The following KRT7 variants were observed in gnomAD, a reference collection of about 807,000 sequenced individuals.
The protein encoded by KRT7 is keratin, type II cytoskeletal 7.
In KRT7, 50 loss-of-function variants were observed where a neutral mutation model predicts 42.8. That is an observed-to-expected ratio of 1.17 (90% CI 0.93 to 1.48). The LOEUF is 1.48. Among genes scored for constraint, KRT7 ranks in the 40% most tolerant of loss-of-function variants. The pLI is 0.00. For missense variants in KRT7, 588 were observed against 637.6 expected (o/e 0.92, Z 0.84); for synonymous variants, 268 against 266.3 (o/e 1.01, Z -0.06).
downstream of KRT7, chr12:52,250,524 C>G: frequency 2.3e-6 from 2 of 855,084 alleles, no homozygotes; most frequent in Non-Finnish European, 3.7e-6. Flanking sequence ...CGCACACAGG[C>G]CGGTGCTCAC....
chr12:52,235,589 A>G (rs966508469), intron 2 of KRT7, among the ~76,000 whole-genome samples: 1 of 152,152 alleles, frequency 6.6e-6, no homozygotes, highest in African/African-American at 2.4e-5. Flanking sequence ...CCCCTGACTC[A>G]GTCCCAGTGA....
rs558328005 is a variant in KRT7, at chr12:52,245,415, G to A, written c.988G>A (p.Ala330Thr). 2 of 1,613,600 alleles carry A rather than the reference G, an allele frequency of 1.2e-6. No individual in the cohort carries two copies. The highest frequency in any genetic ancestry group is 1.7e-6 in the Non-Finnish European group (2 of 1,179,924). ...AEIDNIKNQR[A>T]KLEAAIAEAE... ...ACAGCTGCACTGCTGCCCACAGCGT[G>A]CCAAGTTGGAGGCCGCCATTGCCGA... Residue 330 changes from alanine (A) to threonine (T), a missense_variant, in exon 7 of 9, where the codon GCC becomes ACC. Coordinates refer to ENST00000331817, the MANE Select transcript of KRT7 (RefSeq NM_005556.4).
chr12:52,246,590 G>T (rs1447273693), intron 7 of KRT7: 1 of 152,334 alleles, frequency 6.6e-6, no homozygotes, highest in African/African-American at 2.4e-5. Context: ...ACACAGGGCC[G>T]CAGGGTATGA....
At chr12:52,237,717 G>GGTGAGTGTTTGT in intron 3 of KRT7, 148 bp downstream of exon 3, 1 of 460,334 alleles carries the variant, frequency 2.2e-6, no homozygotes, top group Non-Finnish European at 3.9e-6. Context: ...CTGTCCTGTG[G>GGTGAGTGTTTGT]GTGCGTGTAT....
intron 1 of KRT7, 32 bp from the exon 2 acceptor site, chr12:52,235,123 C>T: frequency 6.2e-7 from 1 of 1,608,918 alleles, no homozygotes; most frequent in South Asian, 1.1e-5. Flanking sequence ...GCTCTGGCTC[C>T]TCTTGAGTTT....
At chr12:52,238,414 T>C (rs1447773583) in intron 3 of KRT7, among the ~76,000 whole-genome samples, 2 of 152,260 alleles carry the variant, frequency 1.3e-5, no homozygotes, top group Non-Finnish European at 2.9e-5. Context: ...GTTGAAACCA[T>C]CTAGGTCTTT....
At chr12:52,245,241 C>T (rs550045703) in intron 6 of KRT7, 171 bp from the exon 7 acceptor site, 71 of 649,506 alleles carry the variant, frequency 1.1e-4, no homozygotes, top group Admixed American at 2.4e-4. Context: ...GGAACATAGG[C>T]GTTGGATATC....
At chr12:52,250,452 A>G, downstream of KRT7, 3 of 526,622 alleles carry the variant, frequency 5.7e-6, no homozygotes, top group African/African-American at 4.0e-5. Context: ...CGGCGTCGGT[A>G]CAAAGTGGGG....
At chr12:52,250,576 T>C, downstream of KRT7, 3 of 1,264,328 alleles carry the variant, frequency 2.4e-6, no homozygotes, top group Non-Finnish European at 3.3e-6. Context: ...ACGCTGCCCG[T>C]CACCGGCCGG....
downstream of KRT7, chr12:52,253,103 G>A: frequency 1.0e-6 from 1 of 996,144 alleles, no homozygotes. Context: ...TCCTCATGCT[G>A]GGTGTTTGCC....
chr12:52,235,911 G>A (rs1357306541), intron 2 of KRT7, among the ~76,000 whole-genome samples: 1 of 152,344 alleles, frequency 6.6e-6, no homozygotes, highest in South Asian at 2.1e-4. Flanking sequence ...AATGGTCATT[G>A]TGAGCCATGC....
downstream of KRT7, among the ~76,000 whole-genome samples, chr12:52,250,263 C>T (rs907395413): frequency 7.2e-5 from 11 of 152,200 alleles, no homozygotes; most frequent in African/African-American, 2.7e-4. Context: ...GGGAGAGCTG[C>T]GGGCTAGGAG....
At chr12:52,254,547 CAA>C (rs1942314130), downstream of KRT7, among the ~76,000 whole-genome samples, 1 of 152,156 alleles carries the variant, frequency 6.6e-6, no homozygotes, top group African/African-American at 2.4e-5. Context: ...GTAGTGGCGT[CAA>C]GAGCAGGTTT....
intron 7 of KRT7, among the ~76,000 whole-genome samples, chr12:52,246,854 G>A (rs1353494461): frequency 3.3e-5 from 5 of 152,106 alleles, no homozygotes; most frequent in African/African-American, 1.2e-4. Flanking sequence ...AGTCAGAGTT[G>A]GGGGACTCTT....
At chr12:52,242,938 G>A in intron 5 of KRT7, 74 bp from the exon 6 acceptor site, 2 of 1,491,492 alleles carry the variant, frequency 1.3e-6, no homozygotes, top group East Asian at 2.4e-5. Context: ...GAGGGGCCTT[G>A]GGTGGGGAGA....
chr12:52,251,279 C>T (rs1462143554), downstream of KRT7, among the ~76,000 whole-genome samples: 3 of 152,216 alleles, frequency 2.0e-5, no homozygotes, highest in Non-Finnish European at 2.9e-5. Flanking sequence ...CACACCCAGG[C>T]CCCAAGGGTG....
chr12:52,239,186 G>A (rs961767541), intron 4 of KRT7, among the ~76,000 whole-genome samples: 3 of 152,134 alleles, frequency 2.0e-5, no homozygotes, highest in Admixed American at 2.0e-4. Context: ...TGCAATCCTA[G>A]TCAGCTCAAG....
chr12:52,235,134 C>T, intron 1 of KRT7, 21 bp from the exon 2 acceptor site: 2 of 1,612,746 alleles, frequency 1.2e-6, no homozygotes, highest in Non-Finnish European at 1.7e-6. Context: ...TCTTGAGTTT[C>T]CTCCTTCTCG....
rs140473746 is a variant in KRT7 at position 52,243,119 on chromosome 12, C to A, written c.966C>A (p.Ile322=). The change falls in exon 6 of 9, where the codon ATC becomes ATA. Residue 322 remains isoleucine, a synonymous_variant. Transcript: ENST00000331817. ...CCATCCAGAGGCTGCAGGCTGAGATCGACAACATCAAGAACCAGGTGGGAC... is the reference window on the plus strand; with the variant it reads ...CCATCCAGAGGCTGCAGGCTGAGATAGACAACATCAAGAACCAGGTGGGAC... ...NRAIQRLQAE[I]DNIKNQRAKL... 2 of 1,612,646 alleles carry A rather than the reference C, an allele frequency of 1.2e-6. No homozygotes were observed. Among genetic ancestry groups the A allele is most frequent in the Middle Eastern group, 1.7e-4 (1 of 6,026 alleles).
Sources: gnomAD v4.1 joint callset for allele counts (sites outside exome capture counted in the v4.1 genomes callset) on GRCh38, gnomAD v4.1.1 for gene constraint, MANE v1.5 for transcripts, NCBI Gene and HGNC (gene_info 2026-07-23, HGNC 2026-07-21) for gene names.